Variants in DPYD observed in about 807,000 individuals in gnomAD.
The protein encoded by DPYD is dihydropyrimidine dehydrogenase, also known as dihydropyrimidine dehydrogenase [NADP(+)].
In DPYD, 109 loss-of-function variants were observed where a neutral mutation model predicts 116.2. The ratio of observed to expected loss-of-function variants is 0.94; its 90% CI spans 0.80 to 1.10. The LOEUF is 1.10. Among genes scored for constraint, DPYD ranks in the 50% least tolerant of loss-of-function variants. The pLI is 0.00. For synonymous variants in DPYD, 440 were observed against 432.0 expected (o/e 1.02, Z -0.23); for missense variants, 1,302 against 1,254.5 (o/e 1.04, Z -0.57).
At chr1:97,770,276 A>C (rs1294924409) in intron 3 of DPYD, among the ~76,000 whole-genome samples, 1 of 152,196 alleles carries the variant, frequency 6.6e-6, no homozygotes, top group Non-Finnish European at 1.5e-5. Context: ...GCCACTTTAC[A>C]GGGGTATGAT....
chr1:97,850,939 T>G (rs1345090828), intron 2 of DPYD, among the ~76,000 whole-genome samples: 7 of 152,028 alleles, frequency 4.6e-5, no homozygotes, highest in Non-Finnish European at 1.5e-5. Flanking sequence ...AATTTGCTAC[T>G]TCACAGAAAA....
At chr1:97,171,214 G>A (rs1312155127) in intron 20 of DPYD, among the ~76,000 whole-genome samples, 1 of 152,178 alleles carries the variant, frequency 6.6e-6, no homozygotes, top group Non-Finnish European at 1.5e-5. Context: ...GCCCACGATG[G>A]CAATGTGGCT....
At chr1:97,165,958 C>A (rs1233812238) in intron 20 of DPYD, among the ~76,000 whole-genome samples, 2 of 151,708 alleles carry the variant, frequency 1.3e-5, no homozygotes, top group Admixed American at 1.3e-4. Flanking sequence ...GAAAAGAGAA[C>A]ACTTATACAC....
chr1:97,080,210 C>T (rs1048987817), intron 22 of DPYD, among the ~76,000 whole-genome samples: 4 of 151,954 alleles, frequency 2.6e-5, no homozygotes, highest in Non-Finnish European at 5.9e-5. Flanking sequence ...GTGACTAAGT[C>T]GGGGCTGAGG....
intron 14 of DPYD, among the ~76,000 whole-genome samples, chr1:97,403,863 T>C: frequency 6.6e-6 from 1 of 152,040 alleles, no homozygotes; most frequent in East Asian, 1.9e-4. Context: ...TCATTTTCTG[T>C]TTCCTAAGGT....
intron 18 of DPYD, among the ~76,000 whole-genome samples, chr1:97,284,707 G>T (rs994219019): frequency 2.0e-5 from 3 of 151,868 alleles, no homozygotes; most frequent in Non-Finnish European, 2.9e-5. Flanking sequence ...TTCATTTTGG[G>T]TTGTCTCATT....
intron 12 of DPYD, among the ~76,000 whole-genome samples, chr1:97,522,618 C>CTGAGGCAGGAGAA (rs1648766590): frequency 6.6e-6 from 1 of 151,596 alleles, no homozygotes. Context: ...ACTTGGGAGG[C>CTGAGGCAGGAGAA]TGAGGCAGGA....
In DPYD at chr1:97,783,856, T is replaced by C. The variant is rs1020661303; in HGVS notation, c.234-43377A>G. 2.6e-5 allele frequency among the ~76,000 whole-genome samples: 4 copies of C among 152,182 alleles called. No individual in the cohort carries two copies. The East Asian group carries it at 5.8e-4, about 22-fold the overall frequency. On this transcript the variant is annotated intron_variant, in intron 3 of 22. Transcript: ENST00000370192. ...TCTAAATCCCAAGTCTAACCCAATA[T>C]CATGGTAACAGAAAGCATCAGCTTT...
At chr1:97,915,170 C>T (rs937014877) in intron 1 of DPYD, among the ~76,000 whole-genome samples, 1 of 152,020 alleles carries the variant, frequency 6.6e-6, no homozygotes, top group Non-Finnish European at 1.5e-5. Flanking sequence ...GAAGAAATGG[C>T]AGTCCAAGAA....
intron 8 of DPYD, among the ~76,000 whole-genome samples, chr1:97,645,431 T>TA (rs376348885): frequency 1.9e-4 from 29 of 152,228 alleles, no homozygotes; most frequent in African/African-American, 6.3e-4. Context: ...TATTTTATCT[T>TA]AGTGAATGGA....
chr1:97,515,685 A>T, intron 13 of DPYD, 41 bp downstream of exon 13: 1 of 1,552,286 alleles, frequency 6.4e-7, no homozygotes, highest in Non-Finnish European at 8.9e-7. Flanking sequence ...ATTAAAATAT[A>T]TGATAGACAT....
intron 8 of DPYD, among the ~76,000 whole-genome samples, chr1:97,654,163 T>TA (rs1214424896): frequency 6.6e-6 from 1 of 152,220 alleles, no homozygotes; most frequent in East Asian, 1.9e-4. Flanking sequence ...AATATGTAGC[T>TA]ATAAATATAC....
chr1:97,460,595 T>A (rs1570769007), intron 13 of DPYD, among the ~76,000 whole-genome samples: 1 of 152,258 alleles, frequency 6.6e-6, no homozygotes, highest in East Asian at 1.9e-4. Context: ...CCAGCCCCCA[T>A]CTCTTGTTCT....
intron 20 of DPYD, among the ~76,000 whole-genome samples, chr1:97,127,228 A>G (rs535972191): frequency 2.0e-5 from 3 of 152,296 alleles, no homozygotes; most frequent in East Asian, 1.9e-4. Flanking sequence ...GTTTGTGACA[A>G]AGAGGAAAAC....
intron 16 of DPYD, among the ~76,000 whole-genome samples, chr1:97,360,936 G>T (rs1048479639): frequency 1.3e-5 from 2 of 151,952 alleles, no homozygotes; most frequent in African/African-American, 2.4e-5. Flanking sequence ...CTATCAGAAG[G>T]CAAGAAATAA....
intron 2 of DPYD, among the ~76,000 whole-genome samples, chr1:97,828,570 A>G (rs1669366121): frequency 6.6e-6 from 1 of 152,134 alleles, no homozygotes; most frequent in South Asian, 2.1e-4. Flanking sequence ...AACTCAAAAG[A>G]GAAAACCATT....
intron 18 of DPYD, among the ~76,000 whole-genome samples, chr1:97,238,040 AC>A (rs1662069874): frequency 6.6e-6 from 1 of 152,176 alleles, no homozygotes; most frequent in Non-Finnish European, 1.5e-5. Flanking sequence ...AACCAGTGAC[AC>A]TTAAAGGGCA....
chr1:97,379,531 G>A (rs894330741), intron 15 of DPYD, among the ~76,000 whole-genome samples: 1 of 152,124 alleles, frequency 6.6e-6, no homozygotes, highest in African/African-American at 2.4e-5. Flanking sequence ...GTAACTGTCC[G>A]CTCTCACAGA....
At chr1:97,665,744 A>G (rs1206724578) in intron 8 of DPYD, among the ~76,000 whole-genome samples, 1 of 152,370 alleles carries the variant, frequency 6.6e-6, no homozygotes, top group Admixed American at 6.5e-5. Flanking sequence ...GCTACATAAC[A>G]AATGTGTACT....
Sources: allele counts gnomAD v4.1 joint callset (sites outside exome capture counted in the v4.1 genomes callset), GRCh38; gene constraint gnomAD v4.1.1; transcripts MANE v1.5; gene names NCBI Gene and HGNC (gene_info 2026-07-23, HGNC 2026-07-21).